Variants in ROR2 observed in about 807,000 individuals in gnomAD.
The protein encoded by ROR2 is ROR family WNT receptor 2.
ROR2 carries 33 observed loss-of-function variants against 74.9 expected under a neutral mutation model. The observed-to-expected ratio is 0.44, with a 90% CI of 0.33 to 0.59. The LOEUF (loss-of-function observed/expected upper bound fraction) is 0.59, where lower values mean the gene tolerates loss of function less well. Ranked by LOEUF, ROR2 falls within the 20% of genes least tolerant of loss-of-function variation. ROR2 has a pLI of 0.02. For synonymous variants in ROR2, 586 were observed against 558.7 expected (o/e 1.05, Z -0.69); for missense variants, 1,216 against 1,313.8 (o/e 0.93, Z 1.15).
Position 91,767,861 on chromosome 9 carries a change from C to A in ROR2, c.175+7880G>T, listed in dbSNP as rs576025609. Among the ~76,000 whole-genome samples, 55 of 152,292 alleles carry A rather than the reference C, an allele frequency of 3.6e-4. 1 individual carries two copies. In the South Asian group the frequency reaches 0.011, roughly 31 times the overall value. ...AGAAACTGAGAGTATGGTGGGGTGACCCGTGTCCCCCAGCCACTCATGCTG... is the reference window on the plus strand; with the variant it reads ...AGAAACTGAGAGTATGGTGGGGTGAACCGTGTCCCCCAGCCACTCATGCTG... On this transcript the variant is annotated intron_variant, in intron 2 of 8. Coordinates refer to ENST00000375708, the MANE Select transcript of ROR2 (RefSeq NM_004560.4).
At chr9:91,821,134 C>T (rs1360845376) in intron 1 of ROR2, among the ~76,000 whole-genome samples, 1 of 151,394 alleles carries the variant, frequency 6.6e-6, no homozygotes, top group East Asian at 1.9e-4. Flanking sequence ...AGTGAGGACA[C>T]AGACACGCAC....
intron 1 of ROR2, among the ~76,000 whole-genome samples, chr9:91,931,945 T>C (rs1420605393): frequency 6.6e-6 from 1 of 152,108 alleles, no homozygotes; most frequent in Non-Finnish European, 1.5e-5. Context: ...GAACAATGAG[T>C]AAAGAGTTAG....
chr9:91,876,969 T>C (rs1249267503), intron 1 of ROR2, among the ~76,000 whole-genome samples: 17 of 152,012 alleles, frequency 1.1e-4, no homozygotes, highest in Admixed American at 1.1e-3. Flanking sequence ...ACAAAAGACA[T>C]GCACATTTAA....
chr9:91,776,250 T>C (rs1248240367), intron 1 of ROR2, among the ~76,000 whole-genome samples: 1 of 152,132 alleles, frequency 6.6e-6, no homozygotes, highest in Non-Finnish European at 1.5e-5. Flanking sequence ...GAGAATTTCT[T>C]AAGCAACTCA....
rs150364724 is a variant in ROR2 at position 91,733,188 on chromosome 9, T to C, written c.871A>G (p.Met291Val). Reference protein sequence around the residue: ...LQLPKCEALPMPESPDAANCM... With the variant: ...LQLPKCEALPVPESPDAANCM... ...TTGGCAGCGTCGGGGCTCTCAGGCA[T>C]GGGCAGCGCCTCACACTTGGGCAGC... Residue 291 changes from methionine (M) to valine (V), a missense_variant, in exon 6 of 9, where the codon ATG (methionine) becomes GTG (valine). Met to Val is a conservative substitution (Grantham distance 21, BLOSUM62 1). Transcript: ENST00000375708. This position sits in a 1 kb window ranked among gnomAD's most constrained non-coding sequence, Gnocchi z 5.7. 48 of 1,610,300 alleles carry C rather than the reference T, an allele frequency of 3.0e-5. No homozygotes were observed. In the African/African-American group the frequency reaches 5.9e-4, roughly 20 times the overall value.
chr9:91,845,938 A>G (rs1828917622), intron 1 of ROR2, among the ~76,000 whole-genome samples: 2 of 151,108 alleles, frequency 1.3e-5, no homozygotes, highest in South Asian at 4.2e-4. Flanking sequence ...GCTCTGACAA[A>G]TGTCTACACG....
intron 4 of ROR2, among the ~76,000 whole-genome samples, chr9:91,742,663 G>A (rs769494265): frequency 2.6e-5 from 4 of 152,142 alleles, no homozygotes; most frequent in African/African-American, 7.2e-5. Context: ...TAGTGACATC[G>A]GAGCTGTCAT....
At chr9:91,884,497 C>CG (rs1221681013) in intron 1 of ROR2, among the ~76,000 whole-genome samples, 1 of 150,188 alleles carries the variant, frequency 6.7e-6, no homozygotes, top group Non-Finnish European at 1.5e-5. Context: ...AAAAGGCTTG[C>CG]GGGGGGCCTT....
At chr9:91,773,766 G>T (rs1826320964) in intron 2 of ROR2, among the ~76,000 whole-genome samples, 1 of 152,062 alleles carries the variant, frequency 6.6e-6, no homozygotes, top group African/African-American at 2.4e-5. Context: ...TTGACCCAGG[G>T]CCCCCACTGG....
chr9:91,947,765 C>G (rs952212791), intron 1 of ROR2, among the ~76,000 whole-genome samples: 1 of 152,162 alleles, frequency 6.6e-6, no homozygotes, highest in African/African-American at 2.4e-5. Flanking sequence ...TTTAGAAAAA[C>G]CCCTAAATAG....
intron 1 of ROR2, among the ~76,000 whole-genome samples, chr9:91,808,378 C>T (rs1338557205): frequency 6.6e-6 from 1 of 152,210 alleles, no homozygotes; most frequent in Admixed American, 6.5e-5. Flanking sequence ...CTGACACCTG[C>T]AATCCTAGCA....
At position 91,800,447 on chromosome 9, in the gene ROR2, G is replaced by A. The variant is rs569382498; in HGVS notation, c.98-24629C>T. The stretch of plus-strand genomic sequence containing the variant: ...GCCAGCACCTCTCTTAGCCAACGAT[G>A]GGAACATGACAGTTGCTGACTGGAG... On this transcript the variant is annotated intron_variant, in intron 1 of 8. Transcript: ENST00000375708. 4.6e-5 allele frequency among the ~76,000 whole-genome samples: 7 copies of A among 152,226 alleles called. No homozygotes were observed. In the South Asian group the frequency reaches 1.5e-3, roughly 32 times the overall value.
chr9:91,886,729 G>C (rs765922635), intron 1 of ROR2: 18 of 152,258 alleles, frequency 1.2e-4, no homozygotes, highest in African/African-American at 4.1e-4. Context: ...TTTCAGCTTG[G>C]GGGTGGGAAG....
intron 8 of ROR2, 34 bp from the exon 9 acceptor site, chr9:91,725,141 C>CT: frequency 5.0e-6 from 8 of 1,610,904 alleles, no homozygotes; most frequent in Non-Finnish European, 6.8e-6. Flanking sequence ...TGAAACATCA[C>CT]TGTCACCGCA....
chr9:91,797,783 C>A (rs1827225996), intron 1 of ROR2, among the ~76,000 whole-genome samples: 1 of 55,918 alleles, frequency 1.8e-5, no homozygotes, highest in Non-Finnish European at 3.2e-5. Context: ...GGGCTGACAC[C>A]CTGGGCTCTG....
At position 91,928,876 on chromosome 9, in the gene ROR2, C is replaced by G. The variant is rs929181489; in HGVS notation, c.97+20991G>C. Among the ~76,000 whole-genome samples the G allele has an allele frequency of 2.6e-5, 4 of 152,222 alleles. 1 individual carries two copies. Among genetic ancestry groups the G allele is most frequent in the Non-Finnish European group, 5.9e-5 (4 of 68,042 alleles). On this transcript the variant is annotated intron_variant, in intron 1 of 8. Coordinates refer to ENST00000375708, the MANE Select transcript of ROR2 (RefSeq NM_004560.4). ...CCCTGCACTTTCCTCATCTACATCA[C>G]TAGTTCAATAAATATCAGGACTGAA...
chr9:91,853,005 G>A (rs910540341), intron 1 of ROR2, among the ~76,000 whole-genome samples: 2 of 152,252 alleles, frequency 1.3e-5, no homozygotes, highest in Non-Finnish European at 2.9e-5. Flanking sequence ...CTGGCGGAGC[G>A]CGAGGTTGTG....
At chr9:91,756,207 T>C in intron 3 of ROR2, 106 bp from the exon 4 acceptor site, 1 of 1,096,544 alleles carries the variant, frequency 9.1e-7, no homozygotes, top group Non-Finnish European at 1.4e-6. Flanking sequence ...GCGGGCTCAC[T>C]GGTGGGCAGC....
chr9:91,773,762 C>A (rs929828827), intron 2 of ROR2, among the ~76,000 whole-genome samples: 47 of 152,228 alleles, frequency 3.1e-4, no homozygotes, highest in Non-Finnish European at 3.5e-4. Flanking sequence ...CCGCTTGACC[C>A]AGGGCCCCCA....
Sources: gnomAD v4.1 joint callset for allele counts (sites outside exome capture counted in the v4.1 genomes callset) on GRCh38, gnomAD v4.1.1 for gene constraint, Gnocchi (gnomAD v3.1) non-coding constraint, MANE v1.5 for transcripts, NCBI Gene and HGNC (gene_info 2026-07-23, HGNC 2026-07-21) for gene names.